Variants in LIMS2 observed in about 807,000 individuals in gnomAD.
LIMS2 encodes the protein LIM zinc finger domain containing 2.
A neutral mutation model predicts 45.3 loss-of-function variants in LIMS2; 30 were observed. That is an observed-to-expected ratio of 0.66 (90% CI 0.50 to 0.90). LIMS2 has a LOEUF of 0.90. Ranked by LOEUF, LIMS2 falls within the 40% of genes least tolerant of loss-of-function variation. The probability of loss-of-function intolerance (pLI) is 0.00; values close to 1 mark genes in which losing one functional copy is unlikely to be tolerated. For missense variants in LIMS2, 485 were observed against 468.7 expected, an observed-to-expected ratio of 1.03 and a Z score of -0.32; for synonymous variants, 173 against 188.0, an observed-to-expected ratio of 0.92 and a Z score of 0.65.
intron 1 of LIMS2, among the ~76,000 whole-genome samples, chr2:127,666,011 G>A (rs1385583371): frequency 6.6e-6 from 1 of 152,208 alleles, no homozygotes; most frequent in Non-Finnish European, 1.5e-5. Context: ...GAGGCTTAGA[G>A]TCTGATTGAG....
Position 127,651,117 on chromosome 2 carries a change from G to A in LIMS2, c.359+3307C>T, listed in dbSNP as rs200325251. The A allele has an allele frequency of 1.7e-4, 277 of 1,613,314 alleles. 1 individual carries two copies. Among genetic ancestry groups the A allele is most frequent in the Non-Finnish European group, 2.1e-4 (245 of 1,180,012 alleles). On this transcript the variant is annotated intron_variant, in intron 4 of 9. Transcript: ENST00000355119. Reference sequence around the variant, plus strand: ...CTACTTCCTCACCTGCATCAGCGCCGACCGTTTCCTGGCCATTGTGCACCC... The same window carrying A: ...CTACTTCCTCACCTGCATCAGCGCCAACCGTTTCCTGGCCATTGTGCACCC...
At chr2:127,657,208 C>A (rs1684315776) in intron 2 of LIMS2, among the ~76,000 whole-genome samples, 195 bp downstream of exon 2, 2 of 152,224 alleles carry the variant, frequency 1.3e-5, no homozygotes, top group Non-Finnish European at 2.9e-5. Context: ...TCTCTGTTAG[C>A]ACCCAGGGCA....
intron 4 of LIMS2, chr2:127,644,096 T>G: frequency 4.4e-6 from 2 of 456,524 alleles, no homozygotes; most frequent in Non-Finnish European, 8.8e-6. Context: ...CTGGACTCCA[T>G]CCTGCACAGC....
chr2:127,657,207 G>C (rs1684315616), intron 2 of LIMS2, among the ~76,000 whole-genome samples, 196 bp downstream of exon 2: 1 of 152,226 alleles, frequency 6.6e-6, no homozygotes, highest in African/African-American at 2.4e-5. Flanking sequence ...CTCTCTGTTA[G>C]CACCCAGGGC....
At position 127,640,321 on chromosome 2, in the gene LIMS2, G is replaced by T; in HGVS notation, c.754-3C>A. On this transcript the variant is annotated splice_polypyrimidine_tract_variant and splice_region_variant and intron_variant, in intron 7 of 9. Coordinates refer to ENST00000355119, the MANE Select transcript of LIMS2 (RefSeq NM_001161403.3). ...TTGTAGCAGACGTCCCCGAAGAGCT[G>T]TGGGCCGAGCAGGCTGTCAGAGTAG... 1 of 1,612,640 alleles carries T rather than the reference G, an allele frequency of 6.2e-7. No individual in the cohort carries two copies. The highest frequency in any genetic ancestry group is 1.1e-5 in the South Asian group (1 of 90,994).
chr2:127,651,945 C>A (rs1349596149), intron 4 of LIMS2: 6 of 631,306 alleles, frequency 9.5e-6, no homozygotes, highest in Admixed American at 8.8e-5. Context: ...CCATCGGCCA[C>A]CCCTCTGCAG....
rs1008407876 is a variant in LIMS2 at position 127,664,259 on chromosome 2, C to G, written c.12-6697G>C. 1.6e-6 allele frequency: 2 copies of G among 1,225,616 alleles called. No individual in the cohort carries two copies. The highest frequency in any genetic ancestry group is 3.8e-5 in the South Asian group (1 of 26,622). 75.9% of individuals were successfully genotyped at this position (1,225,616 alleles called of 1,614,324 possible). A position where few individuals can be genotyped will look rare whatever the true frequency, so the allele number is the denominator to read the frequency against. On this transcript the variant is annotated intron_variant, in intron 1 of 9. Transcript: ENST00000355119. This position sits in a 1 kb window ranked among gnomAD's most constrained non-coding sequence, Gnocchi z 5.5. ...GGGAAGGCCTGCCCTGCCGCCGCAG[C>G]TTTCCGGCCATTGTCCCCGCCACCC...
At position 127,653,627 on chromosome 2, in the gene LIMS2, G is replaced by A. The variant is rs1249497820; in HGVS notation, c.359+797C>T. Among the ~76,000 whole-genome samples, 1 of 152,098 alleles carries A rather than the reference G, an allele frequency of 6.6e-6. No homozygotes were observed. The highest frequency in any genetic ancestry group is 2.4e-5 in the African/African-American group (1 of 41,400). On this transcript the variant is annotated intron_variant, in intron 4 of 9. Coordinates refer to ENST00000355119, the MANE Select transcript of LIMS2 (RefSeq NM_001161403.3). This position sits in a 1 kb window ranked among gnomAD's most constrained non-coding sequence, Gnocchi z 5.3. ...GTGAGCAGGTGCAGCTGTGGGGGCGGGCAGAACCACAGGAACTCAGGGTCC... is the reference window on the plus strand; with the variant it reads ...GTGAGCAGGTGCAGCTGTGGGGGCGAGCAGAACCACAGGAACTCAGGGTCC...
rs1683962393 is a variant in LIMS2, at chr2:127,653,056, T to C, written c.359+1368A>G. Among the ~76,000 whole-genome samples the C allele has an allele frequency of 2.6e-5, 4 of 152,132 alleles. No individual in the cohort carries two copies. The highest frequency in any genetic ancestry group is 2.6e-4 in the Admixed American group (4 of 15,264). On this transcript the variant is annotated intron_variant, in intron 4 of 9. Coordinates refer to ENST00000355119, the MANE Select transcript of LIMS2 (RefSeq NM_001161403.3). This position sits in a 1 kb window ranked among gnomAD's most constrained non-coding sequence, Gnocchi z 5.3. ...GCTCCTGGTGCTGTCCCTCGGCCCC[T>C]GCACTGCACCGTCTGCCCCTCAGCC... is the stretch of plus-strand genomic sequence containing the variant.
chr2:127,641,470 T>A, intron 6 of LIMS2: 1 of 176,572 alleles, frequency 5.7e-6, no homozygotes, highest in Non-Finnish European at 1.2e-5. Flanking sequence ...CATGTGAGGA[T>A]GAGGGCTGGG....
intron 1 of LIMS2, among the ~76,000 whole-genome samples, chr2:127,661,602 A>C (rs953634057): frequency 6.6e-6 from 1 of 152,204 alleles, no homozygotes; most frequent in African/African-American, 2.4e-5. Context: ...TACGTAGAAC[A>C]TACTGCCCAG....
At position 127,640,312 on chromosome 2, in the gene LIMS2, C is replaced by G. The variant is rs184319967; in HGVS notation, c.760G>C (p.Gly254Arg). 14 of 1,612,752 alleles carry G rather than the reference C, an allele frequency of 8.7e-6. No individual in the cohort carries two copies. The East Asian group carries it at 2.0e-4, about 23-fold the overall frequency. Residue 254 changes from glycine (G) to arginine (R), a missense_variant, in exon 8 of 10, where the codon GGG becomes CGG. Physicochemically the swap from Gly to Arg is moderately radical, Grantham distance 125 (BLOSUM62 -2). Coordinates refer to ENST00000355119, the MANE Select transcript of LIMS2 (RefSeq NM_001161403.3). ...TGGCTGCAGTTGTAGCAGACGTCCCCGAAGAGCTGTGGGCCGAGCAGGCTG... is the reference window on the plus strand; with the variant it reads ...TGGCTGCAGTTGTAGCAGACGTCCCGGAAGAGCTGTGGGCCGAGCAGGCTG... ...YCETHYNQLFGDVCYNCSHVI... is the reference protein window; with the variant it reads ...YCETHYNQLFRDVCYNCSHVI...
chr2:127,646,965 T>C (rs548364915), intron 4 of LIMS2, among the ~76,000 whole-genome samples: 2 of 152,256 alleles, frequency 1.3e-5, no homozygotes, highest in South Asian at 4.2e-4. Flanking sequence ...ACCAGAAAGC[T>C]GTTTAAAATG....
In LIMS2 at chr2:127,653,141, G is replaced by A. The variant is rs748656922; in HGVS notation, c.359+1283C>T. Among the ~76,000 whole-genome samples, 3 of 152,186 alleles carry A rather than the reference G, an allele frequency of 2.0e-5. No homozygotes were observed. Among genetic ancestry groups the A allele is most frequent in the Non-Finnish European group, 4.4e-5 (3 of 68,046 alleles). On this transcript the variant is annotated intron_variant, in intron 4 of 9. Transcript: ENST00000355119. This position sits in a 1 kb window ranked among gnomAD's most constrained non-coding sequence, Gnocchi z 5.3. ...GCCCAGCTCCGAGGACAGTGGGCCG[G>A]ACGCCAGGCCCCAGGCCACGTGCCT... is the stretch of plus-strand genomic sequence containing the variant.
At chr2:127,652,012 G>GA (rs1683853628) in intron 4 of LIMS2, 1 of 539,834 alleles carries the variant, frequency 1.9e-6, no homozygotes, top group Non-Finnish European at 3.4e-6. Context: ...CTGTGGCAGG[G>GA]AGAGAGGAGG....
At chr2:127,663,368 G>C (rs1199434707) in intron 1 of LIMS2, among the ~76,000 whole-genome samples, 1 of 152,246 alleles carries the variant, frequency 6.6e-6, no homozygotes, top group Non-Finnish European at 1.5e-5. Flanking sequence ...CCAGCATGCA[G>C]CAGGGACTCC....
At chr2:127,666,326 A>G (rs1303630666) in intron 1 of LIMS2, among the ~76,000 whole-genome samples, 5 of 152,188 alleles carry the variant, frequency 3.3e-5, no homozygotes, top group Admixed American at 6.5e-5. Context: ...AAATCCACCA[A>G]AGGTTTTCAG....
At chr2:127,660,707 A>G (rs770571109) in intron 1 of LIMS2, among the ~76,000 whole-genome samples, 3 of 152,210 alleles carry the variant, frequency 2.0e-5, no homozygotes, top group Non-Finnish European at 2.9e-5. Context: ...TGTTGAAGTC[A>G]GCGAGACCAA....
chr2:127,657,377 G>C (rs1573818096), intron 2 of LIMS2, 26 bp downstream of exon 2: 1 of 1,613,446 alleles, frequency 6.2e-7, no homozygotes, highest in East Asian at 2.2e-5. Flanking sequence ...AGCTGGGTCT[G>C]AGAAAGCCCT....
Sources: allele counts gnomAD v4.1 joint callset (sites outside exome capture counted in the v4.1 genomes callset), GRCh38; gene constraint gnomAD v4.1.1; non-coding constraint Gnocchi (gnomAD v3.1); transcripts MANE v1.5; gene names NCBI Gene and HGNC (gene_info 2026-07-23, HGNC 2026-07-21).